Variants in CNTNAP2 observed in about 807,000 individuals in gnomAD.
CNTNAP2 encodes the protein contactin associated protein 2.
Under a neutral mutation model 155.2 loss-of-function variants are expected in CNTNAP2, and 98 were observed. That is an observed-to-expected ratio of 0.63 (90% CI 0.54 to 0.75). The LOEUF is 0.75. Among genes scored for constraint, CNTNAP2 ranks in the 30% least tolerant of loss-of-function variants. The probability of loss-of-function intolerance (pLI) is 0.00; values close to 1 mark genes in which losing one functional copy is unlikely to be tolerated. For synonymous variants in CNTNAP2, 651 were observed against 631.2 expected (o/e 1.03, Z -0.47); for missense variants, 1,727 against 1,688.1 (o/e 1.02, Z -0.40).
intron 20 of CNTNAP2, among the ~76,000 whole-genome samples, chr7:148,234,601 C>T (rs1796016043): frequency 6.6e-6 from 1 of 152,180 alleles, no homozygotes; most frequent in Non-Finnish European, 1.5e-5. Flanking sequence ...CTGTTAGATG[C>T]TGAAGCTCCT....
intron 11 of CNTNAP2, among the ~76,000 whole-genome samples, chr7:147,515,664 A>T (rs189320381): frequency 2.0e-5 from 3 of 152,206 alleles, no homozygotes; most frequent in African/African-American, 7.2e-5. Context: ...TTTGTGTGCT[A>T]TATCACCTGT....
At chr7:146,632,011 T>C (rs998967330) in intron 1 of CNTNAP2, among the ~76,000 whole-genome samples, 1 of 152,228 alleles carries the variant, frequency 6.6e-6, no homozygotes, top group African/African-American at 2.4e-5. Context: ...ATGATGTAAT[T>C]ACTATGTGTT....
chr7:147,234,334 CTTTTTTTTTTT>C (rs1225048153), intron 8 of CNTNAP2, among the ~76,000 whole-genome samples: 3 of 107,556 alleles, frequency 2.8e-5, no homozygotes, highest in Non-Finnish European at 1.7e-5. Context: ...CAAGAGTATT[CTTTTTTTTTTT>C]TTTTTTTTTT....
intron 17 of CNTNAP2, among the ~76,000 whole-genome samples, chr7:148,166,338 A>T (rs1183182489): frequency 6.6e-6 from 1 of 152,158 alleles, no homozygotes. Context: ...GTAGGCGTGA[A>T]ATAAATATTT....
rs535174940 is a variant in CNTNAP2 at position 146,188,615 on chromosome 7, G to A, written c.97+71642G>A. On this transcript the variant is annotated intron_variant, in intron 1 of 23. Coordinates refer to ENST00000361727, the MANE Select transcript of CNTNAP2 (RefSeq NM_014141.6). Reference sequence around the variant, plus strand: ...GACTCATCTGATTCTAGGCTATTATGTCAAAGTAATATGTCATTTCAGGTG... The same window carrying A: ...GACTCATCTGATTCTAGGCTATTATATCAAAGTAATATGTCATTTCAGGTG... Among the ~76,000 whole-genome samples the A allele has an allele frequency of 9.2e-5, 14 of 152,270 alleles. No homozygotes were observed. In the South Asian group the frequency reaches 2.7e-3, roughly 29 times the overall value.
chr7:147,142,973 G>A (rs1208968450), intron 8 of CNTNAP2, among the ~76,000 whole-genome samples: 6 of 151,918 alleles, frequency 3.9e-5, no homozygotes, highest in African/African-American at 1.5e-4. Flanking sequence ...CAAACCCCAG[G>A]AAACAATCTA....
intron 21 of CNTNAP2, among the ~76,000 whole-genome samples, chr7:148,353,217 A>C (rs1798458473): frequency 6.6e-6 from 1 of 152,198 alleles, no homozygotes; most frequent in Admixed American, 6.5e-5. Flanking sequence ...TGCCCACTGA[A>C]GTGTTCCCCC....
intron 8 of CNTNAP2, among the ~76,000 whole-genome samples, chr7:147,223,449 A>C (rs1803451108): frequency 6.6e-6 from 1 of 152,186 alleles, no homozygotes; most frequent in Non-Finnish European, 1.5e-5. Flanking sequence ...TCTCATCTGC[A>C]TGCAACTTAT....
At chr7:147,333,204 C>T (rs777318676) in intron 9 of CNTNAP2, among the ~76,000 whole-genome samples, 3 of 152,070 alleles carry the variant, frequency 2.0e-5, no homozygotes, top group Non-Finnish European at 4.4e-5. Flanking sequence ...ACATAAAGTT[C>T]CTGTTCCAGA....
intron 1 of CNTNAP2, among the ~76,000 whole-genome samples, chr7:146,675,140 GCA>G (rs2129168826): frequency 6.6e-6 from 1 of 151,694 alleles, no homozygotes; most frequent in South Asian, 2.1e-4. Flanking sequence ...ACAGTGCATA[GCA>G]CAGAGTAGGT....
At chr7:146,622,837 G>T (rs1378707293) in intron 1 of CNTNAP2, among the ~76,000 whole-genome samples, 1 of 151,726 alleles carries the variant, frequency 6.6e-6, no homozygotes, top group Non-Finnish European at 1.5e-5. Context: ...TGTACCTGTA[G>T]TCCCAGCTAC....
intron 3 of CNTNAP2, among the ~76,000 whole-genome samples, chr7:146,969,621 C>G (rs2129232902): frequency 6.8e-6 from 1 of 146,026 alleles, no homozygotes; most frequent in South Asian, 2.2e-4. Flanking sequence ...TTATCAGAGA[C>G]TAGGATTGCA....
At chr7:146,302,925 C>G (rs1420283083) in intron 1 of CNTNAP2, among the ~76,000 whole-genome samples, 1 of 152,098 alleles carries the variant, frequency 6.6e-6, no homozygotes, top group Non-Finnish European at 1.5e-5. Context: ...TATTATTCAA[C>G]AAGAGTTACC....
At chr7:147,062,486 C>G (rs992032768) in intron 4 of CNTNAP2, among the ~76,000 whole-genome samples, 8 of 150,952 alleles carry the variant, frequency 5.3e-5, no homozygotes, top group Non-Finnish European at 1.0e-4. Context: ...AAGAGATGGC[C>G]TTTTGGGTTT....
At chr7:148,021,834 C>T (rs1436658412) in intron 15 of CNTNAP2, among the ~76,000 whole-genome samples, 1 of 152,178 alleles carries the variant, frequency 6.6e-6, no homozygotes, top group African/African-American at 2.4e-5. Flanking sequence ...CAAAGCTGTA[C>T]CGAGTCAGTG....
At chr7:147,895,483 C>T (rs1033026185) in intron 13 of CNTNAP2, among the ~76,000 whole-genome samples, 1 of 152,164 alleles carries the variant, frequency 6.6e-6, no homozygotes, top group Non-Finnish European at 1.5e-5. Context: ...GATAATTTAG[C>T]TCTAGTTAAC....
intron 20 of CNTNAP2, among the ~76,000 whole-genome samples, chr7:148,238,554 C>A (rs917053025): frequency 2.0e-5 from 3 of 152,122 alleles, no homozygotes; most frequent in Admixed American, 6.5e-5. Context: ...AAAATTAAGT[C>A]TTTTGAGGAT....
chr7:146,822,531 T>C (rs1325178310), intron 2 of CNTNAP2, among the ~76,000 whole-genome samples: 1 of 151,198 alleles, frequency 6.6e-6, no homozygotes, highest in East Asian at 1.9e-4. Context: ...CCCCTGTTTT[T>C]AATAATGCTC....
At chr7:148,045,351 C>T (rs188690301) in intron 15 of CNTNAP2, among the ~76,000 whole-genome samples, 4 of 152,274 alleles carry the variant, frequency 2.6e-5, no homozygotes, top group Admixed American at 2.6e-4. Context: ...GTTACAGCAA[C>T]AATTACCAGT....
Sources: gnomAD v4.1 joint callset for allele counts (sites outside exome capture counted in the v4.1 genomes callset) on GRCh38, gnomAD v4.1.1 for gene constraint, MANE v1.5 for transcripts, NCBI Gene and HGNC (gene_info 2026-07-23, HGNC 2026-07-21) for gene names.